IGSF21: variants seen among roughly 807,000 people sequenced by gnomAD.
IGSF21 encodes the protein immunoglobulin superfamily member 21.
IGSF21 carries 28 observed loss-of-function variants against 46.8 expected under a neutral mutation model. The observed-to-expected ratio is 0.60, with a 90% CI of 0.44 to 0.82. IGSF21 has a LOEUF of 0.82. IGSF21 is among the 40% of genes least tolerant of loss of function. The pLI is 0.00. For missense variants in IGSF21, 624 were observed against 665.5 expected (o/e 0.94, Z 0.69); for synonymous variants, 284 against 273.6 (o/e 1.04, Z -0.38).
chr1:18,374,456 G>A (rs884323), intron 6 of IGSF21, among the ~76,000 whole-genome samples: 3,950 of 152,186 alleles, frequency 0.026, 168 homozygotes, highest in African/African-American at 0.088. Flanking sequence ...GGAATGCGAA[G>A]GGGAGCCACT....
chr1:18,240,863 T>A (rs1416991266), intron 2 of IGSF21, among the ~76,000 whole-genome samples: 2 of 152,232 alleles, frequency 1.3e-5, no homozygotes, highest in Non-Finnish European at 2.9e-5. Flanking sequence ...GTTTCAGCTC[T>A]GGAATTCTGT....
intron 2 of IGSF21, among the ~76,000 whole-genome samples, chr1:18,251,545 G>A (rs1446340873): frequency 6.6e-6 from 1 of 152,166 alleles, no homozygotes; most frequent in Non-Finnish European, 1.5e-5. Context: ...AAAACCAAGA[G>A]AGTCATGTGG....
At position 18,201,957 on chromosome 1, in the gene IGSF21, C is replaced by T. The variant is rs969204939; in HGVS notation, c.71-25941C>T. Among the ~76,000 whole-genome samples, 27 of 152,198 alleles carry T rather than the reference C, an allele frequency of 1.8e-4. 1 individual carries two copies. Among genetic ancestry groups the T allele is most frequent in the African/African-American group, 6.5e-4 (27 of 41,458 alleles). The stretch of plus-strand genomic sequence containing the variant: ...AAATCTGTGATTTCAGTCCTCCCTC[C>T]GTTCCTGACCCTCTTCTCCCTCTAG... On this transcript the variant is annotated intron_variant, in intron 1 of 9. Coordinates refer to ENST00000251296, the MANE Select transcript of IGSF21 (RefSeq NM_032880.5).
chr1:18,161,125 A>C (rs2086617349), intron 1 of IGSF21, among the ~76,000 whole-genome samples: 1 of 152,240 alleles, frequency 6.6e-6, no homozygotes, highest in Non-Finnish European at 1.5e-5. Context: ...TCAGGGGTCC[A>C]GGTAAGGAAA....
At chr1:18,359,385 A>AGAAAGAAAGAAAGAAT (rs1557659641) in intron 4 of IGSF21, among the ~76,000 whole-genome samples, 19 of 68,536 alleles carry the variant, frequency 2.8e-4, no homozygotes, top group African/African-American at 1.1e-3. Flanking sequence ...AAAGAAAGAA[A>AGAAAGAAAGAAAGAAT]GGAAGGAAGG....
chr1:18,135,343 G>GC (rs1192322606), intron 1 of IGSF21, among the ~76,000 whole-genome samples: 1 of 152,032 alleles, frequency 6.6e-6, no homozygotes, highest in Non-Finnish European at 1.5e-5. Context: ...CAGGGGCCAT[G>GC]CTGGTGCGCT....
At chr1:18,267,008 G>A (rs2084995931) in intron 2 of IGSF21, among the ~76,000 whole-genome samples, 2 of 152,294 alleles carry the variant, frequency 1.3e-5, no homozygotes, top group South Asian at 2.1e-4. Context: ...TTGACCTCCA[G>A]GAGAGGCCAG....
chr1:18,214,551 G>A (rs1413936572), intron 1 of IGSF21, among the ~76,000 whole-genome samples: 1 of 152,144 alleles, frequency 6.6e-6, no homozygotes, highest in Non-Finnish European at 1.5e-5. Flanking sequence ...CTGCTATAAA[G>A]AACTACATGA....
chr1:18,229,053 G>A (rs186152508), intron 2 of IGSF21, among the ~76,000 whole-genome samples: 213 of 152,084 alleles, frequency 1.4e-3, no homozygotes, highest in African/African-American at 4.8e-3. Flanking sequence ...TTCTTAGCTC[G>A]CTGGCTGTAC....
At chr1:18,225,386 C>T (rs1301555290) in intron 1 of IGSF21, among the ~76,000 whole-genome samples, 2 of 152,092 alleles carry the variant, frequency 1.3e-5, no homozygotes, top group African/African-American at 4.8e-5. Context: ...GCTGCAACCA[C>T]TCCCCTACTT....
chr1:18,298,963 G>A (rs2085336582), intron 3 of IGSF21, among the ~76,000 whole-genome samples: 1 of 152,276 alleles, frequency 6.6e-6, no homozygotes, highest in East Asian at 1.9e-4. Flanking sequence ...AGAGAGAAAG[G>A]GGAGATAAAA....
At position 18,241,641 on chromosome 1, in the gene IGSF21, CT is replaced by C. The variant is rs577675235; in HGVS notation, c.183+13632del. On this transcript the variant is annotated intron_variant, in intron 2 of 9. Coordinates refer to ENST00000251296, the MANE Select transcript of IGSF21 (RefSeq NM_032880.5). ...CTGGACCCTCGAATGCGCTGAATCC[CT>C]CTGGCTTGGGGAGCCTGTGGCAGGT... 2.2e-4 allele frequency among the ~76,000 whole-genome samples: 34 copies of C among 152,318 alleles called. 1 individual carries two copies. The South Asian group carries it at 6.8e-3, about 31-fold the overall frequency.
chr1:18,154,216 G>A (rs1557560491), intron 1 of IGSF21, among the ~76,000 whole-genome samples: 1 of 152,106 alleles, frequency 6.6e-6, no homozygotes, highest in East Asian at 1.9e-4. Flanking sequence ...GCCTGATACT[G>A]TCTGCATTTG....
intron 1 of IGSF21, among the ~76,000 whole-genome samples, chr1:18,160,298 A>G (rs1162128898): frequency 6.6e-6 from 1 of 152,206 alleles, no homozygotes; most frequent in Non-Finnish European, 1.5e-5. Flanking sequence ...TCCTATACTT[A>G]TCCATAAAAC....
intron 1 of IGSF21, among the ~76,000 whole-genome samples, chr1:18,187,568 A>G (rs766466801): frequency 6.6e-6 from 1 of 152,108 alleles, no homozygotes; most frequent in Admixed American, 6.5e-5. Context: ...TATGGGGGAA[A>G]CCACTCCTGC....
intron 1 of IGSF21, among the ~76,000 whole-genome samples, chr1:18,200,305 C>T (rs1022495069): frequency 1.3e-5 from 2 of 152,292 alleles, no homozygotes; most frequent in East Asian, 1.9e-4. Flanking sequence ...AGACAGCGCC[C>T]CCCTTTGCTT....
intron 4 of IGSF21, among the ~76,000 whole-genome samples, chr1:18,345,664 G>A (rs568093726): frequency 1.1e-4 from 16 of 152,288 alleles, no homozygotes; most frequent in South Asian, 4.1e-4. Context: ...GATTACAGGT[G>A]TGAGCCACCG....
intron 3 of IGSF21, among the ~76,000 whole-genome samples, chr1:18,317,741 A>C: frequency 6.6e-6 from 1 of 152,218 alleles, no homozygotes; most frequent in East Asian, 1.9e-4. Flanking sequence ...AAGCATGAAC[A>C]CCAATGCCAA....
chr1:18,173,013 G>T (rs2086756300), intron 1 of IGSF21, among the ~76,000 whole-genome samples: 1 of 152,190 alleles, frequency 6.6e-6, no homozygotes, highest in East Asian at 1.9e-4. Flanking sequence ...TTTAGGCCAG[G>T]TGCGGTGGCT....
Sources: gnomAD v4.1 joint callset for allele counts (sites outside exome capture counted in the v4.1 genomes callset) on GRCh38, gnomAD v4.1.1 for gene constraint, MANE v1.5 for transcripts, NCBI Gene and HGNC (gene_info 2026-07-23, HGNC 2026-07-21) for gene names.